VPS54: variants seen among roughly 807,000 people sequenced by gnomAD.
VPS54 encodes vacuolar protein sorting-associated protein 54.
In VPS54, 45 loss-of-function variants were observed where a neutral mutation model predicts 121.5. The ratio of observed to expected loss-of-function variants is 0.37; its 90% CI spans 0.29 to 0.47. VPS54 has a LOEUF of 0.47. Ranked by LOEUF, VPS54 falls within the 20% of genes least tolerant of loss-of-function variation. The probability of loss-of-function intolerance (pLI) is 0.99; values close to 1 mark genes in which losing one functional copy is unlikely to be tolerated. For synonymous variants in VPS54, 371 were observed against 385.8 expected (o/e 0.96, Z 0.45); for missense variants, 1,090 against 1,131.4 (o/e 0.96, Z 0.52).
intron 14 of VPS54, 138 bp from the exon 15 acceptor site, chr2:63,920,133 T>C: frequency 3.2e-6 from 2 of 624,510 alleles, no homozygotes; most frequent in South Asian, 3.0e-5. Flanking sequence ...GCAGGACCAA[T>C]ACTTAGAAAA....
At chr2:63,903,994 AT>A (rs1426374366) in intron 20 of VPS54, among the ~76,000 whole-genome samples, 4 of 152,176 alleles carry the variant, frequency 2.6e-5, no homozygotes. Context: ...CATTCTGGGT[AT>A]AAGAAACTAA....
chr2:64,018,522 A>G (rs72893106), intron 1 of VPS54, among the ~76,000 whole-genome samples: 2,192 of 152,302 alleles, frequency 0.014, 51 homozygotes, highest in African/African-American at 0.051. Context: ...TTCCCCGGAG[A>G]GAAAAACAAA....
intron 1 of VPS54, among the ~76,000 whole-genome samples, chr2:63,997,748 G>C (rs930002913): frequency 7.3e-5 from 11 of 150,838 alleles, no homozygotes; most frequent in Non-Finnish European, 3.0e-5. Context: ...ATTTTGTTTG[G>C]CTTGCTCTTG....
At chr2:63,988,918 C>A (rs1041625546) in intron 1 of VPS54, among the ~76,000 whole-genome samples, 6 of 152,036 alleles carry the variant, frequency 3.9e-5, no homozygotes, top group Admixed American at 3.3e-4. Context: ...TTGCCAAAAA[C>A]GAGTAAGAGA....
intron 8 of VPS54, among the ~76,000 whole-genome samples, chr2:63,947,913 T>C (rs1675058255): frequency 6.6e-6 from 1 of 152,220 alleles, no homozygotes; most frequent in South Asian, 2.1e-4. Flanking sequence ...TACAGCTCAC[T>C]GCAGCCTTGA....
chr2:63,992,344 C>G (rs1677366975), intron 1 of VPS54, among the ~76,000 whole-genome samples: 1 of 152,190 alleles, frequency 6.6e-6, no homozygotes, highest in South Asian at 2.1e-4. Flanking sequence ...AACATTCCAC[C>G]TAACTCTTAT....
At chr2:63,981,236 T>C (rs182651449) in intron 3 of VPS54, among the ~76,000 whole-genome samples, 19 of 152,272 alleles carry the variant, frequency 1.2e-4, no homozygotes, top group African/African-American at 3.4e-4. Context: ...GTTATAATTA[T>C]GTCTGGAGAT....
At chr2:64,014,209 T>C (rs1038458920) in intron 1 of VPS54, among the ~76,000 whole-genome samples, 41 of 152,256 alleles carry the variant, frequency 2.7e-4, no homozygotes, top group African/African-American at 8.4e-4. Flanking sequence ...ACCCTTCAAA[T>C]ACACAGGAAG....
intron 1 of VPS54, among the ~76,000 whole-genome samples, chr2:64,017,031 A>T (rs1678731180): frequency 6.7e-6 from 1 of 149,416 alleles, no homozygotes; most frequent in Non-Finnish European, 1.5e-5. Context: ...TAAAAAAAAA[A>T]AAAAAAAAAA....
At chr2:63,914,078 T>C in intron 17 of VPS54, 104 bp downstream of exon 17, 1 of 1,108,766 alleles carries the variant, frequency 9.0e-7, no homozygotes, top group South Asian at 1.4e-5. Flanking sequence ...ACTAATGTCT[T>C]AAAGTTAATT....
At chr2:63,972,661 C>T (rs1374288133) in intron 3 of VPS54, among the ~76,000 whole-genome samples, 2 of 151,936 alleles carry the variant, frequency 1.3e-5, no homozygotes, top group Non-Finnish European at 2.9e-5. Flanking sequence ...CAAGGCGGGC[C>T]GATCACCTGA....
chr2:63,901,566 T>C (rs562787420), intron 20 of VPS54, among the ~76,000 whole-genome samples: 2 of 152,252 alleles, frequency 1.3e-5, no homozygotes, highest in Non-Finnish European at 2.9e-5. Flanking sequence ...GCACAGGTAT[T>C]CAGGAGGTGA....
intron 17 of VPS54, chr2:63,913,927 T>C (rs540528605): frequency 2.5e-5 from 32 of 1,270,956 alleles, no homozygotes; most frequent in Admixed American, 1.6e-4. Flanking sequence ...GTTCAGCACC[T>C]AACGAACAAA....
chr2:63,987,174 CTT>C (rs1677092163), intron 1 of VPS54, among the ~76,000 whole-genome samples: 1 of 152,152 alleles, frequency 6.6e-6, no homozygotes, highest in Non-Finnish European at 1.5e-5. Context: ...TTCCCCAAGG[CTT>C]TCTTTTCGTT....
chr2:63,941,074 T>C (rs1674707687), intron 11 of VPS54, among the ~76,000 whole-genome samples: 1 of 152,202 alleles, frequency 6.6e-6, no homozygotes, highest in Admixed American at 6.5e-5. Context: ...CCTGCACTAT[T>C]TAACATGGTA....
Position 63,972,181 on chromosome 2 carries a change from G to A in VPS54, c.442C>T (p.Leu148Phe), listed in dbSNP as rs747480449. 22 of 1,585,596 alleles carry A rather than the reference G, an allele frequency of 1.4e-5. No individual in the cohort carries two copies. Among genetic ancestry groups the A allele is most frequent in the Non-Finnish European group, 1.8e-5 (21 of 1,160,562 alleles). Residue 148 changes from leucine to phenylalanine, a missense_variant, in exon 4 of 23, where the codon CTT (leucine) becomes TTT (phenylalanine). Transcript: ENST00000272322. ...ATATTCATACCATGAGTATGTAAAAGAGTCCTTTCGAAGGTATCTTTAGGA... is the reference window on the plus strand; with the variant it reads ...ATATTCATACCATGAGTATGTAAAAAAGTCCTTTCGAAGGTATCTTTAGGA... Reference protein sequence around the residue: ...CPPKDTFERTLLHTHDKSRTD... With the variant: ...CPPKDTFERTFLHTHDKSRTD...
intron 1 of VPS54, among the ~76,000 whole-genome samples, chr2:64,018,525 AAAAC>A (rs1204367798): frequency 1.3e-5 from 2 of 152,198 alleles, no homozygotes; most frequent in Admixed American, 6.5e-5. Context: ...CCCGGAGAGA[AAAAC>A]AAACAAATGT....
At chr2:63,936,950 T>G (rs1188236220) in intron 11 of VPS54, among the ~76,000 whole-genome samples, 1 of 152,062 alleles carries the variant, frequency 6.6e-6, no homozygotes, top group African/African-American at 2.4e-5. Context: ...ATCCACATGC[T>G]AAAGAATGAA....
chr2:63,936,355 A>G (rs1333388679), intron 11 of VPS54, among the ~76,000 whole-genome samples: 1 of 105,296 alleles, frequency 9.5e-6, no homozygotes, highest in Admixed American at 1.0e-4. Flanking sequence ...TTTAAAATAC[A>G]TAATACTTTC....
Sources: gnomAD v4.1 joint callset for allele counts (sites outside exome capture counted in the v4.1 genomes callset) on GRCh38, gnomAD v4.1.1 for gene constraint, MANE v1.5 for transcripts, NCBI Gene and HGNC (gene_info 2026-07-23, HGNC 2026-07-21) for gene names.